The following CENPW variants were observed in gnomAD, a reference collection of about 807,000 sequenced individuals.
The protein encoded by CENPW is centromere protein W, also known as cancer-up-regulated gene 2 protein.
Under a neutral mutation model 11.1 loss-of-function variants are expected in CENPW, and 3 were observed. That is an observed-to-expected ratio of 0.27 (90% CI 0.12 to 0.70). The LOEUF (loss-of-function observed/expected upper bound fraction) is 0.70, where lower values mean the gene tolerates loss of function less well. Ranked by LOEUF, CENPW falls within the 30% of genes least tolerant of loss-of-function variation. CENPW has a pLI of 0.77. For synonymous variants in CENPW, 38 were observed against 42.0 expected (o/e 0.91, Z 0.37); for missense variants, 100 against 105.6 (o/e 0.95, Z 0.23).
At chr6:126,372,796 A>G in the CENPW span, among the ~76,000 whole-genome samples, 1 of 152,214 alleles carries the variant, frequency 6.6e-6, no homozygotes, top group Non-Finnish European at 1.5e-5. Context: ...AAACAGCAAT[A>G]AACTTGCTAA....
In CENPW at chr6:126,345,283, A is replaced by C. The variant is rs1191540301; in HGVS notation, c.127-922A>C. 2.6e-5 allele frequency among the ~76,000 whole-genome samples: 4 copies of C among 151,966 alleles called. No individual in the cohort carries two copies. The East Asian group carries it at 7.7e-4, about 29-fold the overall frequency. Reference sequence around the variant, plus strand: ...ATATATGTAATCCGATAATGTTGATATATATATTATCTGAAGATGAGTACA... The same window carrying C: ...ATATATGTAATCCGATAATGTTGATCTATATATTATCTGAAGATGAGTACA... On this transcript the variant is annotated intron_variant, in intron 1 of 2. Coordinates refer to ENST00000368328, the MANE Select transcript of CENPW (RefSeq NM_001012507.4).
At chr6:126,367,524 A>G in the CENPW span, among the ~76,000 whole-genome samples, 1 of 152,160 alleles carries the variant, frequency 6.6e-6, no homozygotes, top group Admixed American at 6.5e-5. Flanking sequence ...AGGAAGTGGT[A>G]CAATGAGACA....
At chr6:126,452,365 G>A in the CENPW span, among the ~76,000 whole-genome samples, 1 of 151,148 alleles carries the variant, frequency 6.6e-6, no homozygotes, top group Non-Finnish European at 1.5e-5. Context: ...GCTACAGCAA[G>A]CAATTGCAAA....
chr6:126,374,184 A>T, the CENPW span, among the ~76,000 whole-genome samples: 2 of 152,208 alleles, frequency 1.3e-5, no homozygotes, highest in East Asian at 3.8e-4. Context: ...AAGAACTCTA[A>T]TAAAAATTTA....
At chr6:126,343,622 T>C (rs529848212) in intron 1 of CENPW, among the ~76,000 whole-genome samples, 2 of 152,228 alleles carry the variant, frequency 1.3e-5, no homozygotes, top group South Asian at 4.2e-4. Flanking sequence ...ACTGGCAAAT[T>C]AGTGGTGTAA....
chr6:126,363,672 C>T, the CENPW span, among the ~76,000 whole-genome samples: 2 of 152,152 alleles, frequency 1.3e-5, no homozygotes, highest in Non-Finnish European at 2.9e-5. Flanking sequence ...CAAGAGCTTG[C>T]TCAATTGTAA....
the CENPW span, among the ~76,000 whole-genome samples, chr6:126,367,094 A>T: frequency 6.6e-6 from 1 of 152,202 alleles, no homozygotes; most frequent in East Asian, 1.9e-4. Flanking sequence ...GTATTTTACT[A>T]TAGAATTTAA....
the CENPW span, among the ~76,000 whole-genome samples, chr6:126,402,597 A>G: frequency 7.4e-6 from 1 of 135,048 alleles, no homozygotes; most frequent in African/African-American, 2.8e-5. Flanking sequence ...GACATTTTAT[A>G]TAAATTGAAT....
At chr6:126,482,084 A>G in the CENPW span, among the ~76,000 whole-genome samples, 1 of 152,088 alleles carries the variant, frequency 6.6e-6, no homozygotes, top group Admixed American at 6.6e-5. Context: ...ATGCTCTAGA[A>G]TTCAGGAATA....
the CENPW span, among the ~76,000 whole-genome samples, chr6:126,394,258 G>A: frequency 6.6e-6 from 1 of 151,290 alleles, no homozygotes; most frequent in Non-Finnish European, 1.5e-5. Context: ...TTCTCTGGTG[G>A]TATGTTTTAA....
At chr6:126,436,142 G>A in the CENPW span, among the ~76,000 whole-genome samples, 3 of 151,664 alleles carry the variant, frequency 2.0e-5, no homozygotes, top group East Asian at 1.9e-4. Context: ...TATCATAATC[G>A]ATTTGATGTA....
the CENPW span, among the ~76,000 whole-genome samples, chr6:126,481,114 C>T: frequency 5.0e-4 from 76 of 152,012 alleles, no homozygotes; most frequent in African/African-American, 1.7e-3. Context: ...TTCATCAGTT[C>T]ACTACTATAT....
chr6:126,472,593 G>T, the CENPW span, among the ~76,000 whole-genome samples: 3 of 152,106 alleles, frequency 2.0e-5, no homozygotes, highest in Non-Finnish European at 2.9e-5. Context: ...TCCAGTTTGG[G>T]CCTGTTAGAA....
the CENPW span, among the ~76,000 whole-genome samples, chr6:126,381,447 A>G: frequency 6.6e-6 from 1 of 152,194 alleles, no homozygotes; most frequent in African/African-American, 2.4e-5. Context: ...CTCATGATCC[A>G]GTGTCCAGCT....
chr6:126,474,075 T>C, the CENPW span, among the ~76,000 whole-genome samples: 1 of 149,932 alleles, frequency 6.7e-6, no homozygotes, highest in East Asian at 1.9e-4. Context: ...GAGTAGAATA[T>C]ATTTCATATA....
At chr6:126,448,650 T>A in the CENPW span, among the ~76,000 whole-genome samples, 1 of 150,998 alleles carries the variant, frequency 6.6e-6, no homozygotes, top group African/African-American at 2.4e-5. Context: ...CCTTTTGAGA[T>A]CTTCTGGTAA....
chr6:126,416,698 T>C, the CENPW span, among the ~76,000 whole-genome samples: 1 of 152,218 alleles, frequency 6.6e-6, no homozygotes, highest in African/African-American at 2.4e-5. Context: ...CCTCAAGCCT[T>C]GGCAGATTCC....
chr6:126,362,655 A>G, the CENPW span, among the ~76,000 whole-genome samples: 1 of 152,288 alleles, frequency 6.6e-6, no homozygotes, highest in South Asian at 2.1e-4. Flanking sequence ...TGAGCGCACT[A>G]GTATCTTTAA....
At chr6:126,341,903 G>A (rs1780318795) in intron 1 of CENPW, among the ~76,000 whole-genome samples, 1 of 152,154 alleles carries the variant, frequency 6.6e-6, no homozygotes, top group Admixed American at 6.5e-5. Flanking sequence ...TCCATAGTGC[G>A]GTGGGATCCA....
Sources: allele counts gnomAD v4.1 joint callset (sites outside exome capture counted in the v4.1 genomes callset), GRCh38; gene constraint gnomAD v4.1.1; transcripts MANE v1.5; gene names NCBI Gene and HGNC (gene_info 2026-07-23, HGNC 2026-07-21).